ABCA4: variants seen among roughly 807,000 people sequenced by gnomAD.
ABCA4 encodes retinal-specific phospholipid-transporting ATPase ABCA4.
A neutral mutation model predicts 263.7 loss-of-function variants in ABCA4; 196 were observed. The observed-to-expected ratio is 0.74, with a 90% CI of 0.66 to 0.84. The LOEUF is 0.84. Ranked by LOEUF, ABCA4 falls within the 40% of genes least tolerant of loss-of-function variation. The pLI is 0.00. For synonymous variants in ABCA4, 1,133 were observed against 1,094.2 expected, an observed-to-expected ratio of 1.04 and a Z score of -0.70; for missense variants, 2,792 against 2,855.1, an observed-to-expected ratio of 0.98 and a Z score of 0.50.
chr1:94,044,104 T>TCTTTCCTTCTCCCCTCCCTCCCTCCCTC (rs1660602645), intron 20 of ABCA4, among the ~76,000 whole-genome samples: 1 of 10,670 alleles, frequency 9.4e-5, no homozygotes, highest in South Asian at 0.025. Context: ...TTTCCTTCCT[T>TCTTTCCTTCTCCCCTCCCTCCCTCCCTC]CCTTCCTTCC....
rs4147865 is a variant in ABCA4 at position 94,001,665 on chromosome 1, G to A, written c.6282+193C>T. 64,167 of 811,482 alleles carry A rather than the reference G, an allele frequency of 0.079. 4,270 individuals are homozygous for A. Among genetic ancestry groups the A allele is most frequent in the African/African-American group, 0.29 (17,383 of 59,104 alleles). 50.3% of individuals were successfully genotyped at this position (811,482 alleles called of 1,614,324 possible). ...CGCAGTCCCAAGTCAAGGCTGTGCC[G>A]TGACTTGTTTTTCTCCGGAGCTGTG... On this transcript the variant is annotated intron_variant, in intron 45 of 49. Transcript: ENST00000370225.
At chr1:94,029,373 G>A (rs1660133335) in intron 30 of ABCA4, 72 bp downstream of exon 30, 3 of 1,336,374 alleles carry the variant, frequency 2.2e-6, no homozygotes, top group Non-Finnish European at 3.0e-6. Context: ...AGAGACTCAG[G>A]AGATACCAGG....
rs1305455299 is a variant in ABCA4, at chr1:94,031,048, G to A, written c.4201C>T (p.Pro1401Ser). The A allele has an allele frequency of 6.2e-7, 1 of 1,614,062 alleles. No homozygotes were observed. Among genetic ancestry groups the A allele is most frequent in the Non-Finnish European group, 8.5e-7 (1 of 1,180,006 alleles). ...SIVIPPFGEYPALTLHPWIYG... is the reference protein window; with the variant it reads ...SIVIPPFGEYSALTLHPWIYG... ...ATCCAGGGGTGAAGGGTCAAAGCGGGGTATTCGCCAAAAGGAGGGATAACA... is the reference window on the plus strand; with the variant it reads ...ATCCAGGGGTGAAGGGTCAAAGCGGAGTATTCGCCAAAAGGAGGGATAACA... The change falls in exon 28 of 50, where the codon CCC (proline) becomes TCC (serine). Residue 1401 changes from proline to serine, a missense_variant. By Grantham distance (74) the Pro-to-Ser change is moderately conservative. Coordinates refer to ENST00000370225, the MANE Select transcript of ABCA4 (RefSeq NM_000350.3).
intron 6 of ABCA4, among the ~76,000 whole-genome samples, chr1:94,091,075 C>T (rs369319419): frequency 3.3e-5 from 5 of 152,102 alleles, no homozygotes; most frequent in African/African-American, 7.2e-5. Context: ...GAAAGAGTGA[C>T]TAGAGAGACA....
intron 45 of ABCA4, chr1:94,001,448 A>C: frequency 2.0e-6 from 1 of 497,744 alleles, no homozygotes. Context: ...GGTTCCCGCT[A>C]TGTCCTGTGC....
rs377239809 is a variant in ABCA4 at position 94,071,578 on chromosome 1, A to G, written c.1554+6112T>C. 3.3e-5 allele frequency among the ~76,000 whole-genome samples: 5 copies of G among 152,276 alleles called. No homozygotes were observed. The East Asian group carries it at 9.6e-4, about 29-fold the overall frequency. On this transcript the variant is annotated intron_variant, in intron 11 of 49. Coordinates refer to ENST00000370225, the MANE Select transcript of ABCA4 (RefSeq NM_000350.3). Reference sequence around the variant, plus strand: ...TGTCAACCTCTTTGAGTCTGTTTTTAATTCTATAAAATGACAATTATGCTT... The same window carrying G: ...TGTCAACCTCTTTGAGTCTGTTTTTGATTCTATAAAATGACAATTATGCTT...
intron 13 of ABCA4, 83 bp from the exon 14 acceptor site, chr1:94,060,842 T>G: frequency 8.5e-7 from 1 of 1,182,358 alleles, no homozygotes; most frequent in Non-Finnish European, 1.2e-6. Context: ...ATGAATGTGT[T>G]GAGAACAAAG....
rs190159880 is a variant in ABCA4, at chr1:94,020,443, T to C, written c.5019-684A>G. On this transcript the variant is annotated intron_variant, in intron 35 of 49. Transcript: ENST00000370225. ...CAAAGGTATCCTATGTGGTAGTCAC[T>C]ACCTTGATAAAACTACAGATCATAT... Among the ~76,000 whole-genome samples the C allele has an allele frequency of 2.6e-5, 4 of 152,322 alleles. No individual in the cohort carries two copies. The East Asian group carries it at 7.7e-4, about 29-fold the overall frequency.
At chr1:94,023,488 A>G in intron 31 of ABCA4, 70 bp from the exon 32 acceptor site, 1 of 1,334,256 alleles carries the variant, frequency 7.5e-7, no homozygotes, top group Non-Finnish European at 1.1e-6. Context: ...TCTTTCCCAA[A>G]CATTCATTTT....
intron 15 of ABCA4, among the ~76,000 whole-genome samples, chr1:94,055,566 C>G (rs967394224): frequency 3.9e-5 from 6 of 152,172 alleles, no homozygotes; most frequent in African/African-American, 1.4e-4. Context: ...CAGCCCAGCC[C>G]TAATCCACAG....
chr1:94,042,647 AGT>A (rs1660523969), intron 22 of ABCA4, 112 bp downstream of exon 22: 2 of 1,421,998 alleles, frequency 1.4e-6, no homozygotes, highest in Non-Finnish European at 9.9e-7. Context: ...CCCCCTTCTG[AGT>A]GTAGTCATTG....
At chr1:94,048,199 A>G (rs543080619) in intron 18 of ABCA4, among the ~76,000 whole-genome samples, 2 of 152,370 alleles carry the variant, frequency 1.3e-5, no homozygotes, top group South Asian at 4.1e-4. Context: ...GGCAGAGCCC[A>G]GGGGCTGTGC....
intron 44 of ABCA4, 100 bp downstream of exon 44, chr1:94,005,341 A>C (rs1659347704): frequency 6.9e-7 from 1 of 1,455,634 alleles, no homozygotes; most frequent in Non-Finnish European, 9.6e-7. Flanking sequence ...GAATGAATGA[A>C]TAGCACGCTT....
At chr1:93,997,721 A>C (rs1405665418) in intron 48 of ABCA4, 140 bp downstream of exon 48, 1 of 1,083,718 alleles carries the variant, frequency 9.2e-7, no homozygotes, top group Non-Finnish European at 1.3e-6. Flanking sequence ...CTGATATATC[A>C]GCTTTTACCC....
Position 94,073,388 on chromosome 1 carries a change from T to C in ABCA4, c.1554+4302A>G, listed in dbSNP as rs867292282. Among the ~76,000 whole-genome samples, 26 of 152,156 alleles carry C rather than the reference T, an allele frequency of 1.7e-4. 1 individual carries two copies. Among genetic ancestry groups the C allele is most frequent in the Admixed American group, 1.0e-3 (16 of 15,280 alleles). ...GTCCTGGCGGCCCCGGAGGATGTGATTTGCAGCGTTGTGATTCCTAGAGGA... is the reference window on the plus strand; with the variant it reads ...GTCCTGGCGGCCCCGGAGGATGTGACTTGCAGCGTTGTGATTCCTAGAGGA... On this transcript the variant is annotated intron_variant, in intron 11 of 49. Transcript: ENST00000370225.
Position 94,115,589 on chromosome 1 carries a change from C to A in ABCA4, c.67-2523G>T, listed in dbSNP as rs72962309. On this transcript the variant is annotated intron_variant, in intron 1 of 49. Transcript: ENST00000370225. ...GGGCAGCCCACTCAACTCTTCCGTG[C>A]CAAATGGTCTCATCTGTGAAATGGA... is the stretch of plus-strand genomic sequence containing the variant. 3.7e-3 allele frequency among the ~76,000 whole-genome samples: 571 copies of A among 152,282 alleles called. 2 individuals carry two copies. Among genetic ancestry groups the A allele is most frequent in the African/African-American group, 0.013 (547 of 41,546 alleles).
At chr1:94,027,062 A>AAG (rs151095233) in intron 30 of ABCA4, among the ~76,000 whole-genome samples, 1 of 151,680 alleles carries the variant, frequency 6.6e-6, no homozygotes, top group African/African-American at 2.4e-5. Flanking sequence ...TTGAGAGAGA[A>AAG]AGAGAGAGAG....
chr1:94,054,970 G>T, intron 16 of ABCA4, 141 bp downstream of exon 16: 1 of 904,040 alleles, frequency 1.1e-6, no homozygotes. Flanking sequence ...TTTGCTGGTG[G>T]ATTTTTAACT....
intron 6 of ABCA4, among the ~76,000 whole-genome samples, chr1:94,095,003 G>A (rs1210488301): frequency 6.6e-6 from 1 of 152,332 alleles, no homozygotes; most frequent in South Asian, 2.1e-4. Context: ...AACCAAGAGG[G>A]GCTATTAATA....
Sources: gnomAD v4.1 joint callset for allele counts (sites outside exome capture counted in the v4.1 genomes callset) on GRCh38, gnomAD v4.1.1 for gene constraint, MANE v1.5 for transcripts, NCBI Gene and HGNC (gene_info 2026-07-23, HGNC 2026-07-21) for gene names.